The following SPDEF variants were observed in gnomAD, a reference collection of about 807,000 sequenced individuals.
The protein encoded by SPDEF is SAM pointed domain-containing Ets transcription factor.
SPDEF carries 12 observed loss-of-function variants against 36.0 expected under a neutral mutation model. The observed-to-expected ratio is 0.33, with a 90% confidence interval of 0.21 to 0.54. SPDEF has a LOEUF of 0.54. Among genes scored for constraint, SPDEF ranks in the 20% least tolerant of loss-of-function variants. SPDEF has a pLI of 0.93. For synonymous variants in SPDEF, 205 were observed against 193.0 expected, an observed-to-expected ratio of 1.06 and a Z score of -0.51; for missense variants, 388 against 456.9, an observed-to-expected ratio of 0.85 and a Z score of 1.37.
intron 3 of SPDEF, among the ~76,000 whole-genome samples, chr6:34,540,208 G>T (rs1016818012): frequency 6.6e-5 from 10 of 152,232 alleles, no homozygotes; most frequent in Admixed American, 1.3e-4. Context: ...ATTGGGGTGG[G>T]AGGATCCAAT....
intron 1 of SPDEF, among the ~76,000 whole-genome samples, chr6:34,547,094 C>G (rs1231397390): frequency 1.3e-5 from 2 of 151,580 alleles, no homozygotes; most frequent in Admixed American, 1.3e-4. Context: ...AGGACAGTCT[C>G]TGCCAACACC....
Position 34,544,601 on chromosome 6 carries a change from G to T in SPDEF, c.-29-117C>A. ...AGTGGGCTGGGCCTGGGACAGAGTT[G>T]GGGGCTTCCGGGTCATTGGGCAGCC... On this transcript the variant is annotated intron_variant, in intron 1 of 5. Transcript: ENST00000374037. This position sits in a 1 kb window ranked among gnomAD's most constrained non-coding sequence, Gnocchi z 4.4. The T allele has an allele frequency of 1.3e-6, 1 of 772,916 alleles. No homozygotes were observed. The highest frequency in any genetic ancestry group is 1.9e-6 in the Non-Finnish European group (1 of 521,482). The allele number at this position is 772,916 out of a possible 1,614,324, so 47.9% of individuals were successfully genotyped here.
At position 34,538,315 on chromosome 6, in the gene SPDEF, T is replaced by C. The variant is rs947333993; in HGVS notation, c.967A>G (p.Ile323Val). Reference sequence around the variant, plus strand: ...AACTGGTAGACGAGGCGCTGGGAGATGTCTGGCTTCCGGATGATGCCCTTC... The same window carrying C: ...AACTGGTAGACGAGGCGCTGGGAGACGTCTGGCTTCCGGATGATGCCCTTC... ...YKKGIIRKPD[I>V]SQRLVYQFVH... The change falls in exon 6 of 6, where the codon ATC (isoleucine) becomes GTC (valine). Residue 323 changes from isoleucine to valine, a missense_variant. Physicochemically the swap from Ile to Val is conservative, Grantham distance 29 (BLOSUM62 3). Transcript: ENST00000374037. This position sits in a 1 kb window ranked among gnomAD's most constrained non-coding sequence, Gnocchi z 5.9. 6.8e-6 allele frequency: 11 copies of C among 1,613,986 alleles called. No individual in the cohort carries two copies. The highest frequency in any genetic ancestry group is 9.3e-6 in the Non-Finnish European group (11 of 1,179,980).
At chr6:34,541,271 C>T in intron 2 of SPDEF, 90 bp from the exon 3 acceptor site, 1 of 1,316,468 alleles carries the variant, frequency 7.6e-7, no homozygotes, top group Non-Finnish European at 1.0e-6. Context: ...TGGCCTGAGA[C>T]CATGTGCTCT....
chr6:34,550,647 T>C (rs1472880592), intron 1 of SPDEF, among the ~76,000 whole-genome samples: 1 of 152,166 alleles, frequency 6.6e-6, no homozygotes, highest in African/African-American at 2.4e-5. Flanking sequence ...TAACAACTTC[T>C]TCAGGAGCCC....
At chr6:34,542,382 C>T (rs1767841072) in intron 2 of SPDEF, among the ~76,000 whole-genome samples, 1 of 152,272 alleles carries the variant, frequency 6.6e-6, no homozygotes, top group South Asian at 2.1e-4. Context: ...GCTCCATAAT[C>T]ACGCCTTCCA....
chr6:34,543,195 C>CAAAAAA (rs56021909), intron 2 of SPDEF, among the ~76,000 whole-genome samples: 70 of 69,102 alleles, frequency 1.0e-3, no homozygotes, highest in Middle Eastern at 0.016. Context: ...GACTCCATCT[C>CAAAAAA]AAAAAAAAAA....
rs1044666689 is a variant in SPDEF, at chr6:34,544,354, C to T, written c.102G>A (p.Gly34=). ...AGTCCCGTCTCTCGAGACCCACTGC[C>T]CCCGCTGCCGCCTTCTCCAAGCCTG... The part of the protein sequence containing the change: ...SRTGLEKAAA[G]AVGLERRDWS... The change falls in exon 2 of 6, where the codon GGG becomes GGA. Residue 34 remains glycine, a synonymous_variant. Transcript: ENST00000374037. The surrounding 1 kb of genome is among the most constrained non-coding windows in gnomAD (Gnocchi z 4.4). 6.2e-7 allele frequency: 1 copy of T among 1,604,344 alleles called. No individual in the cohort carries two copies. Among genetic ancestry groups the T allele is most frequent in the Admixed American group, 1.7e-5 (1 of 59,880 alleles).
At chr6:34,542,076 G>T (rs1767833766) in intron 2 of SPDEF, among the ~76,000 whole-genome samples, 1 of 152,228 alleles carries the variant, frequency 6.6e-6, no homozygotes, top group Non-Finnish European at 1.5e-5. Flanking sequence ...AGCCCTGTGG[G>T]TGGGGAGGAG....
chr6:34,554,382 T>A (rs1016228721), intron 1 of SPDEF, among the ~76,000 whole-genome samples: 54 of 151,846 alleles, frequency 3.6e-4, no homozygotes, highest in Non-Finnish European at 4.3e-4. Flanking sequence ...CCCTCAGACT[T>A]GGTTGACAGA....
rs530727813 is a variant in SPDEF, at chr6:34,556,247, G to A, written c.-348C>T. 9 of 152,602 alleles carry A rather than the reference G, an allele frequency of 5.9e-5. No homozygotes were observed. The South Asian group carries it at 1.2e-3, about 21-fold the overall frequency. 9.5% of individuals were successfully genotyped at this position (152,602 alleles called of 1,614,324 possible). A position where few individuals can be genotyped will look rare whatever the true frequency, so the allele number is the denominator to read the frequency against. On this transcript the variant is annotated 5_prime_UTR_variant, in exon 1 of 6. Transcript: ENST00000374037. ...CTTGCAGGGAGCTGGCAGCAGGCTT[G>A]GAGGACTGGGTCTGTGGGGCAGTGT... is the stretch of plus-strand genomic sequence containing the variant.
In SPDEF at chr6:34,552,953, A is replaced by G. The variant is rs1228650720; in HGVS notation, c.-30+2976T>C. Among the ~76,000 whole-genome samples, 1 of 152,298 alleles carries G rather than the reference A, an allele frequency of 6.6e-6. No homozygotes were observed. The highest frequency in any genetic ancestry group is 2.1e-4 in the South Asian group (1 of 4,830). On this transcript the variant is annotated intron_variant, in intron 1 of 5. Coordinates refer to ENST00000374037, the MANE Select transcript of SPDEF (RefSeq NM_012391.3). The surrounding 1 kb of genome is among the most constrained non-coding windows in gnomAD (Gnocchi z 4.6). Reference sequence around the variant, plus strand: ...CAAAGCAACTTGCTACCCCAGGAGCAGAGAGGCCTGGGCCTTGCCCCGCAA... The same window carrying G: ...CAAAGCAACTTGCTACCCCAGGAGCGGAGAGGCCTGGGCCTTGCCCCGCAA...
chr6:34,549,949 C>T (rs906096668), intron 1 of SPDEF, among the ~76,000 whole-genome samples: 2 of 152,224 alleles, frequency 1.3e-5, no homozygotes, highest in African/African-American at 4.8e-5. Context: ...TCCCTGGGTC[C>T]CCTTAAATGG....
chr6:34,552,357 C>CGA lies in SPDEF; in HGVS notation c.-30+3571_-30+3572insTC, dbSNP rs1768079525. 2.0e-5 allele frequency among the ~76,000 whole-genome samples: 3 copies of CGA among 152,262 alleles called. No individual in the cohort carries two copies. The highest frequency in any genetic ancestry group is 4.4e-5 in the Non-Finnish European group (3 of 68,050). ...GTCACCGGAGCTCTGCTGCTCCTGC[C>CGA]TGAGGCCCCTTGGCCGATCCTCTTG... is the stretch of plus-strand genomic sequence containing the variant. On this transcript the variant is annotated intron_variant, in intron 1 of 5. Coordinates refer to ENST00000374037, the MANE Select transcript of SPDEF (RefSeq NM_012391.3). This position sits in a 1 kb window ranked among gnomAD's most constrained non-coding sequence, Gnocchi z 4.6.
intron 1 of SPDEF, among the ~76,000 whole-genome samples, chr6:34,546,878 G>A (rs2127289847): frequency 6.6e-6 from 1 of 152,304 alleles, no homozygotes; most frequent in East Asian, 1.9e-4. Flanking sequence ...AAACACTCGT[G>A]TGTGCTGTGG....
rs773702132 is a variant in SPDEF, at chr6:34,544,173, C to A, written c.283G>T (p.Val95Phe). The stretch of plus-strand genomic sequence containing the variant: ...CCCGCTGGGGCTTGGCTGTCAATGA[C>A]CGGGCACTGCTCAGGCTCCTCAGGT... The part of the protein sequence containing the change: ...EPPEEPEQCP[V>F]IDSQAPAGSL... The change falls in exon 2 of 6, where the codon GTC becomes TTC. Residue 95 changes from valine (V) to phenylalanine (F), a missense_variant. Around this residue, in one of 2 missense-constraint regions of SPDEF, gnomAD observed 308 missense variants for 326.1 expected, o/e 0.94. Coordinates refer to ENST00000374037, the MANE Select transcript of SPDEF (RefSeq NM_012391.3). This position sits in a 1 kb window ranked among gnomAD's most constrained non-coding sequence, Gnocchi z 4.4. 1.2e-6 allele frequency: 2 copies of A among 1,613,884 alleles called. No individual in the cohort carries two copies. Among genetic ancestry groups the A allele is most frequent in the East Asian group, 4.5e-5 (2 of 44,880 alleles).
At position 34,538,990 on chromosome 6, in the gene SPDEF, G is replaced by T. The variant is rs1767754181; in HGVS notation, c.829+260C>A. 1.3e-5 allele frequency among the ~76,000 whole-genome samples: 2 copies of T among 152,304 alleles called. No individual in the cohort carries two copies. The highest frequency in any genetic ancestry group is 2.9e-5 in the Non-Finnish European group (2 of 68,024). On this transcript the variant is annotated intron_variant, in intron 5 of 5. Transcript: ENST00000374037. The surrounding 1 kb of genome is among the most constrained non-coding windows in gnomAD (Gnocchi z 5.9). ...TAATATGAGATGGTGGAGGGAGAGT[G>T]GATTTGGAGCTCGTTCCAGGTGCTG...
chr6:34,553,366 G>A (rs1056606983), intron 1 of SPDEF, among the ~76,000 whole-genome samples: 1 of 149,216 alleles, frequency 6.7e-6, no homozygotes, highest in African/African-American at 2.5e-5. Context: ...GGGAAGAGTT[G>A]TTCCACCTGA....
chr6:34,539,194 C>T lies in SPDEF; in HGVS notation c.829+56G>A. 1 of 1,590,540 alleles carries T rather than the reference C, an allele frequency of 6.3e-7. No homozygotes were observed. On this transcript the variant is annotated intron_variant, in intron 5 of 5. Transcript: ENST00000374037. The surrounding 1 kb of genome is among the most constrained non-coding windows in gnomAD (Gnocchi z 5.2). The stretch of plus-strand genomic sequence containing the variant: ...CCCCATGCACCGTGCCTGGCAGAAG[C>T]CCCCACAACCTCCATGCTCACTGGC...
Sources: allele counts gnomAD v4.1 joint callset (sites outside exome capture counted in the v4.1 genomes callset), GRCh38; gene constraint gnomAD v4.1.1; regional missense constraint gnomAD v4.1.1; non-coding constraint Gnocchi (gnomAD v3.1); transcripts MANE v1.5; gene names NCBI Gene and HGNC (gene_info 2026-07-23, HGNC 2026-07-21).